Variants in CHL1 observed in about 807,000 individuals in gnomAD.
CHL1 encodes the protein cell adhesion molecule L1 like, also known as neural cell adhesion molecule L1-like protein.
Under a neutral mutation model 141.9 loss-of-function variants are expected in CHL1, and 96 were observed. The observed-to-expected ratio is 0.68, with a 90% CI of 0.57 to 0.80. The LOEUF (loss-of-function observed/expected upper bound fraction) is 0.80. CHL1 is among the 30% of genes least tolerant of loss of function. The pLI, the probability that CHL1 is intolerant of heterozygous loss-of-function variation, is 0.00. For missense variants in CHL1, 1,820 were observed against 1,457.2 expected (o/e 1.25, Z -4.05); for synonymous variants, 613 against 502.2 (o/e 1.22, Z -2.95).
chr3:352,144 G>T (rs1038851579), intron 10 of CHL1, among the ~76,000 whole-genome samples: 1 of 152,060 alleles, frequency 6.6e-6, no homozygotes, highest in African/African-American at 2.4e-5. Flanking sequence ...TTCAAAGGTT[G>T]TCATAAAATC....
intron 2 of CHL1, among the ~76,000 whole-genome samples, chr3:285,263 G>A (rs552913632): frequency 6.6e-6 from 1 of 152,306 alleles, no homozygotes; most frequent in East Asian, 1.9e-4. Context: ...ATACAACCTT[G>A]TTTGAGGAAG....
At chr3:360,101 A>G (rs1285119517) in intron 11 of CHL1, among the ~76,000 whole-genome samples, 183 bp from the exon 12 acceptor site, 2 of 152,222 alleles carry the variant, frequency 1.3e-5, no homozygotes, top group Admixed American at 6.5e-5. Flanking sequence ...GAAAATTCAC[A>G]TGGATCTGGA....
intron 2 of CHL1, among the ~76,000 whole-genome samples, chr3:296,772 A>C (rs1698224205): frequency 6.6e-6 from 1 of 152,222 alleles, no homozygotes; most frequent in African/African-American, 2.4e-5. Flanking sequence ...TAAACAAAAC[A>C]CTGTAAGGGG....
At chr3:292,114 A>T (rs1697746348) in intron 2 of CHL1, among the ~76,000 whole-genome samples, 2 of 152,216 alleles carry the variant, frequency 1.3e-5, no homozygotes, top group Admixed American at 6.5e-5. Flanking sequence ...AAGCTCTAGA[A>T]GTCATAAAAG....
chr3:402,106 T>C (rs1709192174), intron 27 of CHL1, among the ~76,000 whole-genome samples: 1 of 152,206 alleles, frequency 6.6e-6, no homozygotes, highest in African/African-American at 2.4e-5. Context: ...GTCCTCTAGA[T>C]GAACCTGATC....
chr3:325,088 G>C (rs1006978503), intron 3 of CHL1, among the ~76,000 whole-genome samples: 3 of 146,914 alleles, frequency 2.0e-5, no homozygotes, highest in Admixed American at 6.8e-5. Context: ...AGATAAGTGA[G>C]AAAAGGTTAT....
At chr3:396,374 G>C (rs1171415842) in intron 24 of CHL1, among the ~76,000 whole-genome samples, 1 of 152,134 alleles carries the variant, frequency 6.6e-6, no homozygotes, top group Non-Finnish European at 1.5e-5. Context: ...GGAGTTGGTT[G>C]CTATTTTGAT....
At chr3:270,869 T>C (rs1484425353) in intron 2 of CHL1, among the ~76,000 whole-genome samples, 1 of 152,212 alleles carries the variant, frequency 6.6e-6, no homozygotes, top group Non-Finnish European at 1.5e-5. Flanking sequence ...TGCACACATG[T>C]GTGACCTCTC....
Position 409,369 on chromosome 3 carries a change from A to C in CHL1, c.*3658A>C, listed in dbSNP as rs1231227330. On this transcript the variant is annotated 3_prime_UTR_variant, in exon 28 of 28. Transcript: ENST00000256509. Reference sequence around the variant, plus strand: ...TGGTTTGAAAATATTTTCATTATACATGAAATTCAACTTTCCAAATAAAAG... The same window carrying C: ...TGGTTTGAAAATATTTTCATTATACCTGAAATTCAACTTTCCAAATAAAAG... The C allele has an allele frequency of 6.6e-6, 1 of 152,074 alleles. No homozygotes were observed. Among genetic ancestry groups the C allele is most frequent in the African/African-American group, 2.4e-5 (1 of 41,434 alleles). 9.4% of individuals were successfully genotyped at this position (152,074 alleles called of 1,614,324 possible).
Position 406,733 on chromosome 3 carries a change from C to T in CHL1, c.*1022C>T, listed in dbSNP as rs906987942. 2.0e-5 allele frequency: 3 copies of T among 151,984 alleles called. No individual in the cohort carries two copies. Among genetic ancestry groups the T allele is most frequent in the Non-Finnish European group, 4.4e-5 (3 of 67,994 alleles). The allele number at this position is 151,984 out of a possible 1,614,324, so 9.4% of individuals were successfully genotyped here. Reference sequence around the variant, plus strand: ...TAGTAAGATACTGTTTTTCGTCATTCCAGAGCTACAACTAATAACACGAGG... The same window carrying T: ...TAGTAAGATACTGTTTTTCGTCATTTCAGAGCTACAACTAATAACACGAGG... On this transcript the variant is annotated 3_prime_UTR_variant, in exon 28 of 28. Coordinates refer to ENST00000256509, the MANE Select transcript of CHL1 (RefSeq NM_006614.4).
intron 5 of CHL1, among the ~76,000 whole-genome samples, chr3:334,809 G>T (rs571378855): frequency 1.3e-5 from 2 of 152,090 alleles, no homozygotes; most frequent in Non-Finnish European, 2.9e-5. Context: ...GTATTAATTA[G>T]GATCCTTAAG....
At chr3:378,030 T>A in intron 16 of CHL1, 88 bp downstream of exon 16, 1 of 1,203,728 alleles carries the variant, frequency 8.3e-7, no homozygotes. Flanking sequence ...TAATGATTCT[T>A]TGAGCCCCTG....
At chr3:274,517 G>T (rs1170999710) in intron 2 of CHL1, among the ~76,000 whole-genome samples, 1 of 152,184 alleles carries the variant, frequency 6.6e-6, no homozygotes, top group Non-Finnish European at 1.5e-5. Flanking sequence ...GCTTTTCAAG[G>T]TTATTAACCC....
intron 2 of CHL1, among the ~76,000 whole-genome samples, chr3:263,265 T>TCA (rs1229528067): frequency 2.6e-5 from 4 of 152,032 alleles, no homozygotes; most frequent in Admixed American, 6.6e-5. Context: ...AAGAGCTAAT[T>TCA]CAATCTCATC....
intron 2 of CHL1, among the ~76,000 whole-genome samples, chr3:293,887 G>C (rs1342377649): frequency 6.7e-6 from 1 of 150,268 alleles, no homozygotes; most frequent in Non-Finnish European, 1.5e-5. Flanking sequence ...TCAGCCTCCT[G>C]AGTAGCTGGG....
rs571612741 is a variant in CHL1, at chr3:369,724, G to T, written c.1751+3609G>T. On this transcript the variant is annotated intron_variant, in intron 15 of 27. Coordinates refer to ENST00000256509, the MANE Select transcript of CHL1 (RefSeq NM_006614.4). The stretch of plus-strand genomic sequence containing the variant: ...GCTTTTGCCAATTCAATATGATATT[G>T]GCTGTGGGTTTATCATAAATAGCTC... Among the ~76,000 whole-genome samples the T allele has an allele frequency of 2.6e-5, 4 of 152,284 alleles. No individual in the cohort carries two copies. In the South Asian group the frequency reaches 8.3e-4, roughly 32 times the overall value.
At chr3:262,937 A>G (rs1225833217) in intron 2 of CHL1, among the ~76,000 whole-genome samples, 2 of 152,214 alleles carry the variant, frequency 1.3e-5, no homozygotes, top group African/African-American at 4.8e-5. Flanking sequence ...CTATCAGGTG[A>G]ACTACAATTA....
At chr3:341,431 A>T (rs1439542512) in intron 6 of CHL1, among the ~76,000 whole-genome samples, 4 of 152,214 alleles carry the variant, frequency 2.6e-5, no homozygotes, top group African/African-American at 9.6e-5. Context: ...TGTTCCAGAC[A>T]TCAGTTCCCC....
At chr3:381,037 C>A (rs1706966431) in intron 16 of CHL1, among the ~76,000 whole-genome samples, 1 of 152,122 alleles carries the variant, frequency 6.6e-6, no homozygotes, top group Admixed American at 6.5e-5. Context: ...AATCCCCATC[C>A]AAGGAACTTG....
Sources: allele counts gnomAD v4.1 joint callset (sites outside exome capture counted in the v4.1 genomes callset), GRCh38; gene constraint gnomAD v4.1.1; transcripts MANE v1.5; gene names NCBI Gene and HGNC (gene_info 2026-07-23, HGNC 2026-07-21).